The following ULK2 variants were observed in gnomAD, a reference collection of about 807,000 sequenced individuals.
ULK2 encodes the protein unc-51 like autophagy activating kinase 2.
ULK2 carries 76 observed loss-of-function variants against 127.5 expected under a neutral mutation model. The ratio of observed to expected loss-of-function variants is 0.60; its 90% CI spans 0.50 to 0.72. The LOEUF is 0.72. Among genes scored for constraint, ULK2 ranks in the 30% least tolerant of loss-of-function variants. ULK2 has a pLI of 0.00. For missense variants in ULK2, 1,144 were observed against 1,295.9 expected, an observed-to-expected ratio of 0.88 and a Z score of 1.80; for synonymous variants, 452 against 461.9, an observed-to-expected ratio of 0.98 and a Z score of 0.28.
At chr17:19,795,809 A>T in intron 19 of ULK2, 84 bp from the exon 20 acceptor site, 1 of 1,285,226 alleles carries the variant, frequency 7.8e-7, no homozygotes, top group South Asian at 1.2e-5. Flanking sequence ...GAGAATGAGG[A>T]AACAAGAAAT....
Position 19,801,813 on chromosome 17 carries a change from TG to T in ULK2, c.1404del (p.Thr469LeufsTer152). 1.2e-6 allele frequency: 2 copies of T among 1,614,170 alleles called. No homozygotes were observed. Among genetic ancestry groups the T allele is most frequent in the Non-Finnish European group, 1.7e-6 (2 of 1,180,020 alleles). ...GGTGAGTAAGGCCTAGAAGACCCAG[TG>T]GAGAGCCTTCGTCCAACTGTCTGTG... The part of the protein sequence containing the change: ...DTAQTVGRRL[S>X]TGSSRPYSPS... On this transcript the variant is annotated frameshift_variant, in exon 16 of 27. Coordinates refer to ENST00000395544, the MANE Select transcript of ULK2 (RefSeq NM_014683.4). LOFTEE classifies it high-confidence loss of function.
chr17:19,795,277 G>C (rs1340907667), intron 20 of ULK2, among the ~76,000 whole-genome samples: 1 of 138,702 alleles, frequency 7.2e-6, no homozygotes, highest in African/African-American at 2.7e-5. Flanking sequence ...ATAAAATCCA[G>C]TTGCTGTAAA....
intron 22 of ULK2, among the ~76,000 whole-genome samples, chr17:19,782,727 C>A (rs2086945546): frequency 6.6e-6 from 1 of 152,094 alleles, no homozygotes; most frequent in South Asian, 2.1e-4. Flanking sequence ...ACCAGCCTGG[C>A]CAACATGGCG....
intron 12 of ULK2, among the ~76,000 whole-genome samples, chr17:19,822,801 C>T (rs1321214837): frequency 6.6e-6 from 1 of 152,124 alleles, no homozygotes; most frequent in Non-Finnish European, 1.5e-5. Flanking sequence ...ATTCTCCTGC[C>T]TCAGCCTCTC....
chr17:19,825,227 T>C (rs746241892), intron 11 of ULK2, 45 bp from the exon 12 acceptor site: 8 of 1,547,334 alleles, frequency 5.2e-6, no homozygotes, highest in African/African-American at 1.4e-5. Flanking sequence ...TGTAGTGCAG[T>C]CACATGACCT....
chr17:19,822,498 A>C (rs986843383), intron 12 of ULK2, among the ~76,000 whole-genome samples: 1 of 150,102 alleles, frequency 6.7e-6, no homozygotes, highest in African/African-American at 2.5e-5. Flanking sequence ...AGTATCTGGG[A>C]TTACAGGTGC....
At chr17:19,827,824 C>T (rs1229038873) in intron 10 of ULK2, among the ~76,000 whole-genome samples, 1 of 151,856 alleles carries the variant, frequency 6.6e-6, no homozygotes, top group African/African-American at 2.4e-5. Context: ...GCAGGGGAAT[C>T]GCTTGAACCC....
chr17:19,849,190 C>T (rs2041960739), intron 5 of ULK2, among the ~76,000 whole-genome samples, 179 bp downstream of exon 5: 1 of 151,916 alleles, frequency 6.6e-6, no homozygotes, highest in African/African-American at 2.4e-5. Context: ...AGAAACAAAA[C>T]CACAAACAAC....
chr17:19,828,990 C>T (rs2041362615), intron 10 of ULK2, among the ~76,000 whole-genome samples: 1 of 152,298 alleles, frequency 6.6e-6, no homozygotes, highest in Admixed American at 6.5e-5. Context: ...ATCGCCTGAA[C>T]TCGGGACACA....
At chr17:19,776,717 C>A (rs1350285056) in intron 26 of ULK2, among the ~76,000 whole-genome samples, 2 of 152,174 alleles carry the variant, frequency 1.3e-5, no homozygotes, top group Non-Finnish European at 2.9e-5. Context: ...GCCTAAAAAA[C>A]CAGATTATTG....
At chr17:19,788,667 G>T (rs1162662387) in intron 20 of ULK2, among the ~76,000 whole-genome samples, 1 of 152,076 alleles carries the variant, frequency 6.6e-6, no homozygotes, top group Non-Finnish European at 1.5e-5. Context: ...GGCTCTTGGG[G>T]TTCCCAAGTC....
At chr17:19,823,852 T>A (rs1337818104) in intron 12 of ULK2, among the ~76,000 whole-genome samples, 1 of 152,212 alleles carries the variant, frequency 6.6e-6, no homozygotes, top group Non-Finnish European at 1.5e-5. Flanking sequence ...TTTGCGGGGC[T>A]GTGTAAGAAA....
chr17:19,810,481 G>T, intron 13 of ULK2, 43 bp from the exon 14 acceptor site: 1 of 1,336,050 alleles, frequency 7.5e-7, no homozygotes, highest in Non-Finnish European at 1.0e-6. Flanking sequence ...TATACCATCT[G>T]CTTAAAAAAA....
chr17:19,783,344 G>A (rs952455058), intron 22 of ULK2, among the ~76,000 whole-genome samples: 7 of 151,684 alleles, frequency 4.6e-5, no homozygotes, highest in Admixed American at 3.3e-4. Flanking sequence ...CCAGCTACTC[G>A]TGGGGGCTGA....
chr17:19,801,098 C>G (rs919673122), intron 16 of ULK2, among the ~76,000 whole-genome samples: 2 of 151,370 alleles, frequency 1.3e-5, no homozygotes, highest in African/African-American at 4.9e-5. Context: ...CCCAGAGCTG[C>G]TATACAGTAA....
intron 10 of ULK2, among the ~76,000 whole-genome samples, chr17:19,831,041 A>C (rs915059897): frequency 5.9e-5 from 9 of 151,312 alleles, no homozygotes; most frequent in Non-Finnish European, 1.2e-4. Flanking sequence ...AAAAAAAAAA[A>C]AACTACCTGA....
chr17:19,798,726 A>T (rs2087328258), intron 17 of ULK2, among the ~76,000 whole-genome samples: 2 of 152,196 alleles, frequency 1.3e-5, no homozygotes, highest in Non-Finnish European at 2.9e-5. Context: ...CCAACTCCTT[A>T]AATATCCATA....
chr17:19,829,553 G>GGGGA (rs2041382186), intron 10 of ULK2, among the ~76,000 whole-genome samples: 1 of 141,072 alleles, frequency 7.1e-6, no homozygotes, highest in Non-Finnish European at 1.6e-5. Context: ...AAAAAAGGGG[G>GGGGA]GGGGCTGGGC....
At chr17:19,850,854 T>C (rs1176151806) in intron 3 of ULK2, among the ~76,000 whole-genome samples, 2 of 151,628 alleles carry the variant, frequency 1.3e-5, no homozygotes, top group African/African-American at 4.8e-5. Context: ...TAGATAGGTC[T>C]AGATCGATCT....
Sources: gnomAD v4.1 joint callset for allele counts (sites outside exome capture counted in the v4.1 genomes callset) on GRCh38, gnomAD v4.1.1 for gene constraint, MANE v1.5 for transcripts, NCBI Gene and HGNC (gene_info 2026-07-23, HGNC 2026-07-21) for gene names.